FSTL4: variants seen among roughly 807,000 people sequenced by gnomAD.
The protein encoded by FSTL4 is follistatin like 4.
A neutral mutation model predicts 78.2 loss-of-function variants in FSTL4; 28 were observed. The ratio of observed to expected loss-of-function variants is 0.36; its 90% CI spans 0.27 to 0.49. The LOEUF (loss-of-function observed/expected upper bound fraction) is 0.49, where lower values mean the gene tolerates loss of function less well. FSTL4 is among the 20% of genes least tolerant of loss of function. The pLI is 0.98. For missense variants in FSTL4, 922 were observed against 1,084.9 expected, an observed-to-expected ratio of 0.85 and a Z score of 2.11; for synonymous variants, 422 against 440.5, an observed-to-expected ratio of 0.96 and a Z score of 0.53.
rs554753096 is a variant in FSTL4, at chr5:133,262,072, T to C, written c.728-12496A>G. Among the ~76,000 whole-genome samples, 228 of 152,058 alleles carry C rather than the reference T, an allele frequency of 1.5e-3. 3 individuals are homozygous for C. Among genetic ancestry groups the C allele is most frequent in the African/African-American group, 5.0e-3 (207 of 41,468 alleles). ...ATTATAAATGGGACCTAACGCCATG[T>C]CAGGCAAAGGTTAAGTCTCGCACCC... is the stretch of plus-strand genomic sequence containing the variant. On this transcript the variant is annotated intron_variant, in intron 6 of 15. Coordinates refer to ENST00000265342, the MANE Select transcript of FSTL4 (RefSeq NM_015082.2).
At position 133,329,314 on chromosome 5, in the gene FSTL4, C is replaced by T. The variant is rs537576884; in HGVS notation, c.410-12662G>A. On this transcript the variant is annotated intron_variant, in intron 4 of 15. Transcript: ENST00000265342. ...GGGGTCCTAGCGATCCTGACCTTCACGGTACCATCCTGCACAAAAACTTCT... is the reference window on the plus strand; with the variant it reads ...GGGGTCCTAGCGATCCTGACCTTCATGGTACCATCCTGCACAAAAACTTCT... 9.9e-5 allele frequency among the ~76,000 whole-genome samples: 15 copies of T among 152,238 alleles called. No homozygotes were observed. In the East Asian group the frequency reaches 1.9e-3, roughly 20 times the overall value.
chr5:133,815,165 C>A, the FSTL4 span, among the ~76,000 whole-genome samples: 30 of 152,204 alleles, frequency 2.0e-4, no homozygotes, highest in Non-Finnish European at 4.0e-4. Context: ...AAGATTCTAA[C>A]AGGTCAGGCT....
At chr5:133,659,996 A>T in the FSTL4 span, among the ~76,000 whole-genome samples, 2 of 152,242 alleles carry the variant, frequency 1.3e-5, no homozygotes. Flanking sequence ...GTTGACAAAA[A>T]GAAAGAGTTA....
chr5:133,674,585 ATGTGTG>A, the FSTL4 span, among the ~76,000 whole-genome samples: 4 of 150,022 alleles, frequency 2.7e-5, no homozygotes, highest in East Asian at 2.0e-4. Context: ...AGACTTCCAT[ATGTGTG>A]TGTGTGTGTG....
At chr5:133,776,355 C>T in the FSTL4 span, among the ~76,000 whole-genome samples, 1 of 152,200 alleles carries the variant, frequency 6.6e-6, no homozygotes, top group Admixed American at 6.5e-5. Context: ...CAGCCTCTCT[C>T]TTATGGCTAC....
At chr5:133,729,007 T>C in the FSTL4 span, among the ~76,000 whole-genome samples, 2 of 152,146 alleles carry the variant, frequency 1.3e-5, no homozygotes, top group Non-Finnish European at 1.5e-5. Context: ...GGAACAGCTC[T>C]GAGGAAAACT....
chr5:133,396,802 A>G (rs149935533), intron 4 of FSTL4, among the ~76,000 whole-genome samples: 28 of 152,322 alleles, frequency 1.8e-4, no homozygotes, highest in African/African-American at 6.7e-4. Context: ...CTGAGTTTTT[A>G]TGTCTGCTTA....
At chr5:133,822,342 C>G in the FSTL4 span, among the ~76,000 whole-genome samples, 1 of 152,162 alleles carries the variant, frequency 6.6e-6, no homozygotes, top group Non-Finnish European at 1.5e-5. Flanking sequence ...TGACCAGTGT[C>G]TGCAAATAAT....
chr5:133,200,771 C>G (rs1451942401), intron 15 of FSTL4, among the ~76,000 whole-genome samples: 1 of 152,192 alleles, frequency 6.6e-6, no homozygotes, highest in Non-Finnish European at 1.5e-5. Context: ...AGAATCTCTT[C>G]TGTAGTTTTC....
the FSTL4 span, among the ~76,000 whole-genome samples, chr5:133,655,108 A>G: frequency 6.6e-6 from 1 of 152,112 alleles, no homozygotes; most frequent in African/African-American, 2.4e-5. Flanking sequence ...TCTTTCCCCT[A>G]CACCTATTTC....
chr5:133,372,311 G>A (rs1448492222), intron 4 of FSTL4, among the ~76,000 whole-genome samples: 1 of 143,262 alleles, frequency 7.0e-6, no homozygotes, highest in Non-Finnish European at 1.6e-5. Context: ...ATTGTCCTGT[G>A]GAATAAAGTT....
intron 4 of FSTL4, among the ~76,000 whole-genome samples, chr5:133,364,733 G>A (rs1457868145): frequency 6.6e-6 from 1 of 152,096 alleles, no homozygotes; most frequent in Non-Finnish European, 1.5e-5. Context: ...GAACATTTGT[G>A]CTGAAAAGCT....
chr5:133,331,902 T>C (rs747534178), intron 4 of FSTL4, among the ~76,000 whole-genome samples: 5 of 152,276 alleles, frequency 3.3e-5, no homozygotes, highest in Non-Finnish European at 1.5e-5. Context: ...CACGGGAAAC[T>C]TATCAAAATG....
chr5:133,765,953 A>C, the FSTL4 span, among the ~76,000 whole-genome samples: 1 of 152,236 alleles, frequency 6.6e-6, no homozygotes, highest in Non-Finnish European at 1.5e-5. Context: ...AGAGCTGTGC[A>C]GGAAAGTTTC....
intron 7 of FSTL4, among the ~76,000 whole-genome samples, chr5:133,235,703 G>A (rs899602481): frequency 1.3e-5 from 2 of 152,058 alleles, no homozygotes; most frequent in Non-Finnish European, 2.9e-5. Context: ...AACCCTGAGA[G>A]TTTGTTGTGA....
At chr5:133,675,721 T>C in the FSTL4 span, among the ~76,000 whole-genome samples, 2 of 152,194 alleles carry the variant, frequency 1.3e-5, no homozygotes, top group African/African-American at 2.4e-5. Flanking sequence ...AAATATGTCC[T>C]TGTGACCACC....
chr5:133,576,536 G>A (rs1008869596), intron 2 of FSTL4, among the ~76,000 whole-genome samples: 1 of 152,318 alleles, frequency 6.6e-6, no homozygotes, highest in African/African-American at 2.4e-5. Flanking sequence ...GCTCAACGTG[G>A]CCAGATCTTC....
chr5:133,547,555 G>A (rs1055018500), intron 3 of FSTL4, among the ~76,000 whole-genome samples: 1 of 152,164 alleles, frequency 6.6e-6, no homozygotes. Context: ...AGAGGTGATT[G>A]GGTTGTTAAG....
At chr5:133,238,834 C>A (rs977399062) in intron 7 of FSTL4, among the ~76,000 whole-genome samples, 1 of 152,238 alleles carries the variant, frequency 6.6e-6, no homozygotes, top group East Asian at 1.9e-4. Context: ...ATGCTGGCAG[C>A]CCTCGCAGCC....
Sources: allele counts gnomAD v4.1 joint callset (sites outside exome capture counted in the v4.1 genomes callset), GRCh38; gene constraint gnomAD v4.1.1; transcripts MANE v1.5; gene names NCBI Gene and HGNC (gene_info 2026-07-23, HGNC 2026-07-21).